The following MITF variants were observed in gnomAD, a reference collection of about 807,000 sequenced individuals.
MITF encodes the protein microphthalmia-associated transcription factor.
A neutral mutation model predicts 60.5 loss-of-function variants in MITF; 17 were observed. The ratio of observed to expected loss-of-function variants is 0.28; its 90% CI spans 0.19 to 0.42. The LOEUF is 0.42. Ranked by LOEUF, MITF falls within the 10% of genes least tolerant of loss-of-function variation. The pLI is 1.00. For missense variants in MITF, 622 were observed against 683.5 expected (o/e 0.91, Z 1.00); for synonymous variants, 260 against 248.5 (o/e 1.05, Z -0.43).
At chr3:69,926,787 A>T (rs1405571052) in intron 2 of MITF, among the ~76,000 whole-genome samples, 3 of 152,232 alleles carry the variant, frequency 2.0e-5, no homozygotes, top group Non-Finnish European at 4.4e-5. Context: ...AAACTGTACA[A>T]GCTTGAATGT....
At chr3:69,826,249 T>C (rs926871344) in intron 1 of MITF, among the ~76,000 whole-genome samples, 1 of 152,160 alleles carries the variant, frequency 6.6e-6, no homozygotes, top group African/African-American at 2.4e-5. Context: ...ACCAACTGCA[T>C]AGATTAATTT....
In MITF at chr3:69,847,140, G is replaced by A. The variant is rs368590406; in HGVS notation, c.105-31994G>A. 4.2e-4 allele frequency among the ~76,000 whole-genome samples: 64 copies of A among 152,230 alleles called. No individual in the cohort carries two copies. In the South Asian group the frequency reaches 0.011, roughly 27 times the overall value. ...CCCTCTATAAGGACAGTGGGACAGCGGGAAGCAGACTAAGTGCAAGGATTG... is the reference window on the plus strand; with the variant it reads ...CCCTCTATAAGGACAGTGGGACAGCAGGAAGCAGACTAAGTGCAAGGATTG... On this transcript the variant is annotated intron_variant, in intron 1 of 9. Transcript: ENST00000352241.
intron 2 of MITF, among the ~76,000 whole-genome samples, chr3:69,909,252 C>T (rs993709999): frequency 2.0e-5 from 3 of 152,160 alleles, no homozygotes; most frequent in Non-Finnish European, 4.4e-5. Flanking sequence ...TTTTCTCTTG[C>T]CACCACCATA....
chr3:69,950,512 A>G (rs576504343), intron 6 of MITF, among the ~76,000 whole-genome samples: 318 of 148,872 alleles, frequency 2.1e-3, no homozygotes, highest in Non-Finnish European at 3.8e-3. Flanking sequence ...AGATATGCAT[A>G]TATATGCATA....
intron 1 of MITF, among the ~76,000 whole-genome samples, chr3:69,847,357 C>T (rs975758215): frequency 1.3e-5 from 2 of 152,196 alleles, no homozygotes; most frequent in Non-Finnish European, 2.9e-5. Context: ...TGCCTGTTTC[C>T]TTCCTAAGAA....
chr3:69,872,513 G>A (rs1025481068), intron 1 of MITF, among the ~76,000 whole-genome samples: 2 of 152,008 alleles, frequency 1.3e-5, no homozygotes, highest in African/African-American at 4.8e-5. Context: ...TATATAACAT[G>A]TACAAAAATA....
At chr3:69,792,010 C>T (rs2062747320) in intron 1 of MITF, among the ~76,000 whole-genome samples, 1 of 152,216 alleles carries the variant, frequency 6.6e-6, no homozygotes, top group Non-Finnish European at 1.5e-5. Context: ...CTGAGAGTTG[C>T]TCCTTGAAGT....
At chr3:69,916,524 T>C (rs980308494) in intron 2 of MITF, among the ~76,000 whole-genome samples, 19 of 152,116 alleles carry the variant, frequency 1.2e-4, no homozygotes, top group Admixed American at 6.5e-5. Flanking sequence ...CGGAATTGAG[T>C]GAGTTAAATT....
chr3:69,936,286 TCTG>T (rs1236167885), intron 2 of MITF, among the ~76,000 whole-genome samples: 2 of 152,210 alleles, frequency 1.3e-5, no homozygotes, highest in East Asian at 3.9e-4. Flanking sequence ...AAAGGGGCAT[TCTG>T]CTATTAACCT....
chr3:69,758,986 G>A (rs2062170983), intron 1 of MITF, among the ~76,000 whole-genome samples: 1 of 152,120 alleles, frequency 6.6e-6, no homozygotes, highest in Non-Finnish European at 1.5e-5. Flanking sequence ...AGTTAGTAGG[G>A]GTGATGATTG....
At position 69,739,573 on chromosome 3, in the gene MITF, A is replaced by T. The variant is rs560258335; in HGVS notation, c.-25A>T. 2.6e-6 allele frequency: 4 copies of T among 1,548,652 alleles called. No homozygotes were observed. The highest frequency in any genetic ancestry group is 2.6e-6 in the Non-Finnish European group (3 of 1,141,392). On this transcript the variant is annotated 5_prime_UTR_variant, in exon 1 of 10. Coordinates refer to ENST00000352241, the MANE Select transcript of MITF (RefSeq NM_001354604.2). ...CCGGGCTCTGTTCTCACTTTCCAGC[A>T]GTGGAAGGACGGGAAGCGGGAGCCA...
intron 5 of MITF, among the ~76,000 whole-genome samples, chr3:69,942,212 C>A (rs1213945788): frequency 6.6e-6 from 1 of 152,078 alleles, no homozygotes; most frequent in Non-Finnish European, 1.5e-5. Context: ...GGGTATGGAG[C>A]TTCGGATTTG....
chr3:69,853,267 G>A (rs763981637), intron 1 of MITF, among the ~76,000 whole-genome samples: 52 of 152,166 alleles, frequency 3.4e-4, no homozygotes, highest in Non-Finnish European at 6.9e-4. Flanking sequence ...GCATCTGTTC[G>A]GTAGAGGGTT....
At chr3:69,849,727 C>T (rs1036053) in intron 1 of MITF, among the ~76,000 whole-genome samples, 74,739 of 152,028 alleles carry the variant, frequency 0.49, 20,101 homozygotes, top group Non-Finnish European at 0.63. Flanking sequence ...AAACTCTTGC[C>T]TGGACCATTT....
chr3:69,741,211 A>G (rs1478977187), intron 1 of MITF, among the ~76,000 whole-genome samples: 1 of 152,014 alleles, frequency 6.6e-6, no homozygotes, highest in Non-Finnish European at 1.5e-5. Context: ...GTTTTGAGTA[A>G]TATTGTGTGA....
At chr3:69,881,975 G>A (rs754058087) in intron 2 of MITF, among the ~76,000 whole-genome samples, 12 of 152,036 alleles carry the variant, frequency 7.9e-5, no homozygotes, top group African/African-American at 9.7e-5. Flanking sequence ...AAATCTCTCC[G>A]TCTCCCAAGT....
At chr3:69,916,517 A>T (rs1402364131) in intron 2 of MITF, among the ~76,000 whole-genome samples, 1 of 152,184 alleles carries the variant, frequency 6.6e-6, no homozygotes, top group African/African-American at 2.4e-5. Flanking sequence ...ACAAGTTCGG[A>T]ATTGAGTGAG....
At chr3:69,918,067 T>A (rs887427704) in intron 2 of MITF, among the ~76,000 whole-genome samples, 1 of 152,106 alleles carries the variant, frequency 6.6e-6, no homozygotes, top group Non-Finnish European at 1.5e-5. Flanking sequence ...TTTGGGGTTT[T>A]GTTTTTGTTT....
Position 69,966,909 on chromosome 3 carries a change from A to G in MITF, c.*1661A>G, listed in dbSNP as rs900205597. Reference sequence around the variant, plus strand: ...ATGTAGGGGAAAGTTTCATGATGGTATCTATAGTCAAGACGAACATGTAGC... The same window carrying G: ...ATGTAGGGGAAAGTTTCATGATGGTGTCTATAGTCAAGACGAACATGTAGC... On this transcript the variant is annotated 3_prime_UTR_variant, in exon 10 of 10. Transcript: ENST00000352241. 2 of 232,606 alleles carry G rather than the reference A, an allele frequency of 8.6e-6. No homozygotes were observed. The highest frequency in any genetic ancestry group is 1.8e-4 in the South Asian group (1 of 5,516). The allele number at this position is 232,606 out of a possible 1,614,324, so 14.4% of individuals were successfully genotyped here. A position where few individuals can be genotyped will look rare whatever the true frequency, so the allele number is the denominator to read the frequency against.
Sources: gnomAD v4.1 joint callset for allele counts (sites outside exome capture counted in the v4.1 genomes callset) on GRCh38, gnomAD v4.1.1 for gene constraint, MANE v1.5 for transcripts, NCBI Gene and HGNC (gene_info 2026-07-23, HGNC 2026-07-21) for gene names.